Variants in ANKRD29 observed in about 807,000 individuals in gnomAD.
The protein encoded by ANKRD29 is ankyrin repeat domain 29, also known as ankyrin repeat domain-containing protein 29.
A neutral mutation model predicts 38.0 loss-of-function variants in ANKRD29; 32 were observed. That is an observed-to-expected ratio of 0.84 (90% CI 0.64 to 1.13). The LOEUF (loss-of-function observed/expected upper bound fraction) is 1.13. Among genes scored for constraint, ANKRD29 ranks in the 50% most tolerant of loss-of-function variants. The pLI, the probability that ANKRD29 is intolerant of heterozygous loss-of-function variation, is 0.00. For missense variants in ANKRD29, 357 were observed against 377.9 expected (o/e 0.94, Z 0.46); for synonymous variants, 135 against 152.4 (o/e 0.89, Z 0.84).
chr18:23,632,468 G>A (rs2059944741), intron 5 of ANKRD29, among the ~76,000 whole-genome samples: 2 of 150,172 alleles, frequency 1.3e-5, no homozygotes, highest in Admixed American at 1.3e-4. Context: ...AAATTACTAT[G>A]GGAAGGGGCT....
Position 23,601,215 on chromosome 18 carries a change from A to T in ANKRD29, c.*11T>A, listed in dbSNP as rs1286065348. On this transcript the variant is annotated 3_prime_UTR_variant, in exon 10 of 10. Transcript: ENST00000592179. ...TAAGCTTTCTATCTTTCTGTCAAAT[A>T]TGGAGCTAAGTTAGCTCTTTCTGGG... is the stretch of plus-strand genomic sequence containing the variant. The T allele has an allele frequency of 1.2e-6, 2 of 1,610,706 alleles. No homozygotes were observed. Among genetic ancestry groups the T allele is most frequent in the East Asian group, 4.5e-5 (2 of 44,828 alleles).
chr18:23,638,605 G>A (rs1432383844), intron 4 of ANKRD29, among the ~76,000 whole-genome samples: 2 of 152,188 alleles, frequency 1.3e-5, no homozygotes, highest in Non-Finnish European at 2.9e-5. Flanking sequence ...GTTCAGGAAA[G>A]GATAGAAGTA....
intron 1 of ANKRD29, 170 bp from the exon 2 acceptor site, chr18:23,649,363 G>T (rs951842063): frequency 4.2e-6 from 3 of 706,842 alleles, no homozygotes; most frequent in Non-Finnish European, 7.7e-6. Flanking sequence ...AACTCTGTTG[G>T]ATTCCAGACA....
chr18:23,656,373 C>T (rs2060284514), intron 1 of ANKRD29, among the ~76,000 whole-genome samples: 1 of 152,142 alleles, frequency 6.6e-6, no homozygotes, highest in Non-Finnish European at 1.5e-5. Flanking sequence ...ACTCGCCTAA[C>T]AAACCAGGGC....
chr18:23,606,119 C>CTTTT (rs2059572014), intron 9 of ANKRD29, among the ~76,000 whole-genome samples: 1 of 151,996 alleles, frequency 6.6e-6, no homozygotes, highest in Non-Finnish European at 1.5e-5. Flanking sequence ...ATCTTGTTTG[C>CTTTT]TTTTATAGGG....
At chr18:23,655,732 G>A (rs2060270973) in intron 1 of ANKRD29, among the ~76,000 whole-genome samples, 2 of 151,170 alleles carry the variant, frequency 1.3e-5, no homozygotes, top group South Asian at 4.2e-4. Flanking sequence ...TGGGATTACA[G>A]GCGTGAGCCA....
rs1475217798 is a variant in ANKRD29, at chr18:23,599,701, G to C, written c.*1525C>G. ...TTCTAATATTTTATCCTAGAATCAG[G>C]TTGCAGGCTTTTTGTATAGCTGGTC... On this transcript the variant is annotated 3_prime_UTR_variant, in exon 10 of 10. Coordinates refer to ENST00000592179, the MANE Select transcript of ANKRD29 (RefSeq NM_173505.4). 1 of 152,198 alleles carries C rather than the reference G, an allele frequency of 6.6e-6. No individual in the cohort carries two copies. The highest frequency in any genetic ancestry group is 2.4e-5 in the African/African-American group (1 of 41,458). The allele number at this position is 152,198 out of a possible 1,614,324, so 9.4% of individuals were successfully genotyped here. A position where few individuals can be genotyped will look rare whatever the true frequency, so the allele number is the denominator to read the frequency against.
In ANKRD29 at chr18:23,649,191, C is replaced by T. The variant is rs1598531410; in HGVS notation, c.24G>A (p.Lys8=). The part of the protein sequence containing the change: MCRMSFK[K]ETPLANAAFW... ...ATGCAGCATTGGCAAGTGGAGTTTC[C>T]TTCTGCAAGAACAAAATGAAACAGG... The change falls in exon 2 of 10, where the codon AAG becomes AAA. Residue 8 remains lysine (K), a splice_region_variant and synonymous_variant. Transcript: ENST00000592179. 6.2e-7 allele frequency: 1 copy of T among 1,612,120 alleles called. No individual in the cohort carries two copies. Among genetic ancestry groups the T allele is most frequent in the Non-Finnish European group, 8.5e-7 (1 of 1,178,980 alleles).
chr18:23,645,018 C>T (rs572103270), intron 3 of ANKRD29, among the ~76,000 whole-genome samples: 4 of 152,222 alleles, frequency 2.6e-5, no homozygotes, highest in Middle Eastern at 3.4e-3. Flanking sequence ...ATGAGATATA[C>T]GATATACTGG....
rs542890803 is a variant in ANKRD29, at chr18:23,654,417, C to T, written c.22-5224G>A. 2.8e-3 allele frequency among the ~76,000 whole-genome samples: 424 copies of T among 151,838 alleles called. 3 individuals carry two copies. The highest frequency in any genetic ancestry group is 9.6e-3 in the African/African-American group (400 of 41,486). ...GGCAGATCACTTGAGCTCAGGAGTT[C>T]GAGACCAGTCTGGCCAACAACGTGA... is the stretch of plus-strand genomic sequence containing the variant. On this transcript the variant is annotated intron_variant, in intron 1 of 9. Transcript: ENST00000592179.
intron 6 of ANKRD29, 189 bp from the exon 7 acceptor site, chr18:23,619,818 C>T (rs1045292069): frequency 7.9e-6 from 4 of 506,052 alleles, no homozygotes; most frequent in African/African-American, 2.0e-5. Context: ...GTGTAGCCCA[C>T]GGACGCAGAC....
chr18:23,652,123 C>T (rs1000182427), intron 1 of ANKRD29, among the ~76,000 whole-genome samples: 3 of 152,142 alleles, frequency 2.0e-5, no homozygotes, highest in Admixed American at 6.5e-5. Flanking sequence ...GTGGCAATGT[C>T]TAGCAAAGAA....
Position 23,601,296 on chromosome 18 carries a change from G to A in ANKRD29, c.836C>T (p.Pro279Leu), listed in dbSNP as rs760793382. Residue 279 changes from proline (P) to leucine (L), a missense_variant, in exon 10 of 10, where the codon CCG becomes CTG. Physicochemically the swap from Pro to Leu is moderately conservative, Grantham distance 98. Transcript: ENST00000592179. ...ACGTTCATTTTTGGTTAGTTCTGCC[G>A]GAAGTTCATTGGCCTGAAAGAAGAG... ...PSLRNKANEL[P>L]AELTKNERIL... 60 of 1,613,760 alleles carry A rather than the reference G, an allele frequency of 3.7e-5. No homozygotes were observed. The highest frequency in any genetic ancestry group is 1.6e-4 in the Middle Eastern group (1 of 6,082).
At chr18:23,624,822 C>T (rs1248056192) in intron 6 of ANKRD29, among the ~76,000 whole-genome samples, 1 of 152,178 alleles carries the variant, frequency 6.6e-6, no homozygotes, top group Non-Finnish European at 1.5e-5. Flanking sequence ...ATAGTTTCCT[C>T]CAACTCTGTT....
intron 6 of ANKRD29, among the ~76,000 whole-genome samples, chr18:23,625,977 T>A (rs930227739): frequency 1.3e-5 from 2 of 152,164 alleles, no homozygotes; most frequent in Non-Finnish European, 2.9e-5. Context: ...GCACCAGCCA[T>A]GGGGATCTTC....
chr18:23,658,883 C>T (rs925920257), intron 1 of ANKRD29, among the ~76,000 whole-genome samples: 1 of 152,158 alleles, frequency 6.6e-6, no homozygotes, highest in Non-Finnish European at 1.5e-5. Context: ...GTGCCCTCAC[C>T]AGCCACCTTG....
chr18:23,610,715 G>A (rs907940833), intron 9 of ANKRD29, among the ~76,000 whole-genome samples: 7 of 152,154 alleles, frequency 4.6e-5, no homozygotes, highest in African/African-American at 1.4e-4. Context: ...CTACTCCGTC[G>A]TTCAGGGTGG....
intron 6 of ANKRD29, among the ~76,000 whole-genome samples, chr18:23,623,902 C>T (rs932749764): frequency 6.6e-6 from 1 of 151,676 alleles, no homozygotes; most frequent in Non-Finnish European, 1.5e-5. Context: ...CTCGGCCTCC[C>T]AAAGTGCTGG....
chr18:23,612,248 T>C (rs2059652777), intron 8 of ANKRD29, 58 bp from the exon 9 acceptor site: 45 of 1,478,040 alleles, frequency 3.0e-5, no homozygotes, highest in Non-Finnish European at 4.1e-5. Flanking sequence ...GCATTCAGCA[T>C]GGCTTTCATC....
Sources: allele counts gnomAD v4.1 joint callset (sites outside exome capture counted in the v4.1 genomes callset), GRCh38; gene constraint gnomAD v4.1.1; transcripts MANE v1.5; gene names NCBI Gene and HGNC (gene_info 2026-07-23, HGNC 2026-07-21).